WWOX: variants seen among roughly 807,000 people sequenced by gnomAD.
WWOX encodes WW domain containing oxidoreductase.
A neutral mutation model predicts 46.2 loss-of-function variants in WWOX; 69 were observed. That is an observed-to-expected ratio of 1.49 (90% CI 1.23 to 1.82). The LOEUF (loss-of-function observed/expected upper bound fraction) is 1.82, where lower values mean the gene tolerates loss of function less well. WWOX is among the 40% of genes most tolerant of loss of function. The pLI is 0.00. For missense variants in WWOX, 919 were observed against 542.6 expected (o/e 1.69, Z -6.89); for synonymous variants, 359 against 202.6 (o/e 1.77, Z -6.56).
At chr16:79,137,689 G>A (rs376899672) in intron 8 of WWOX, among the ~76,000 whole-genome samples, 68 of 152,070 alleles carry the variant, frequency 4.5e-4, no homozygotes, top group African/African-American at 1.6e-3. Context: ...TCCCTCCTCC[G>A]TCTCCTTCCC....
chr16:78,445,268 G>A (rs186284936), intron 8 of WWOX, among the ~76,000 whole-genome samples: 76 of 152,262 alleles, frequency 5.0e-4, no homozygotes, highest in Non-Finnish European at 5.0e-4. Context: ...GGGCATTAGC[G>A]AGTAAAGGGG....
chr16:78,500,662 T>C (rs2151474650), intron 8 of WWOX, among the ~76,000 whole-genome samples: 1 of 152,324 alleles, frequency 6.6e-6, no homozygotes, highest in Non-Finnish European at 1.5e-5. Context: ...GGTATCATCG[T>C]GGTTATTCCA....
chr16:79,092,583 T>G (rs1286156355), intron 8 of WWOX, among the ~76,000 whole-genome samples: 1 of 152,220 alleles, frequency 6.6e-6, no homozygotes, highest in African/African-American at 2.4e-5. Flanking sequence ...TTCCTTGTTT[T>G]GTGTAATTGG....
chr16:78,742,029 G>C (rs992588964), intron 8 of WWOX, among the ~76,000 whole-genome samples: 1 of 152,118 alleles, frequency 6.6e-6, no homozygotes, highest in African/African-American at 2.4e-5. Context: ...CGATGTCTAT[G>C]TATAGTTTCA....
At chr16:78,418,639 G>T (rs1011998707) in intron 6 of WWOX, among the ~76,000 whole-genome samples, 2 of 151,956 alleles carry the variant, frequency 1.3e-5, no homozygotes, top group African/African-American at 4.8e-5. Context: ...AACAATTCAC[G>T]GTTGGTTTTA....
chr16:78,401,713 T>C (rs970453940), intron 6 of WWOX, among the ~76,000 whole-genome samples: 2 of 152,190 alleles, frequency 1.3e-5, no homozygotes, highest in African/African-American at 4.8e-5. Context: ...TTTTTTCTTT[T>C]TTTTGAGACG....
chr16:78,655,226 G>A (rs532956979), intron 8 of WWOX, among the ~76,000 whole-genome samples: 4 of 152,194 alleles, frequency 2.6e-5, no homozygotes, highest in African/African-American at 4.8e-5. Context: ...TCTGCTCTCC[G>A]TCTCTGCCTC....
At chr16:78,620,112 AG>A (rs2046141069) in intron 8 of WWOX, among the ~76,000 whole-genome samples, 1 of 152,180 alleles carries the variant, frequency 6.6e-6, no homozygotes, top group African/African-American at 2.4e-5. Flanking sequence ...TTTGGCACAC[AG>A]TTGATGAGGA....
intron 8 of WWOX, among the ~76,000 whole-genome samples, chr16:79,135,118 C>T (rs1234385365): frequency 1.3e-5 from 2 of 148,358 alleles, no homozygotes; most frequent in African/African-American, 4.9e-5. Flanking sequence ...CAATTTTTTT[C>T]TTCTTCTCAG....
intron 5 of WWOX, among the ~76,000 whole-genome samples, chr16:78,210,164 A>T (rs1186049596): frequency 6.6e-6 from 1 of 152,218 alleles, no homozygotes; most frequent in Non-Finnish European, 1.5e-5. Context: ...AGGTTTATTT[A>T]TAAAGACTTG....
Position 78,173,056 on chromosome 16 carries a change from A to G in WWOX, c.516+8767A>G, listed in dbSNP as rs538704653. 2.0e-3 allele frequency among the ~76,000 whole-genome samples: 302 copies of G among 152,332 alleles called. 1 individual carries two copies. The highest frequency in any genetic ancestry group is 6.8e-3 in the African/African-American group (282 of 41,574). On this transcript the variant is annotated intron_variant, in intron 5 of 8. Coordinates refer to ENST00000566780, the MANE Select transcript of WWOX (RefSeq NM_016373.4). ...GATAAAACTTCCCTACGCAAGGACAAGTAGAGAAACAACTGTAGATGAAGC... is the reference window on the plus strand; with the variant it reads ...GATAAAACTTCCCTACGCAAGGACAGGTAGAGAAACAACTGTAGATGAAGC...
At chr16:79,164,179 C>T (rs771939678) in intron 8 of WWOX, among the ~76,000 whole-genome samples, 2 of 152,126 alleles carry the variant, frequency 1.3e-5, no homozygotes, top group Non-Finnish European at 2.9e-5. Context: ...TAAATCAATA[C>T]TTTCATGTCT....
intron 8 of WWOX, among the ~76,000 whole-genome samples, chr16:78,871,338 C>G (rs16948667): frequency 1.3e-5 from 2 of 152,174 alleles, no homozygotes; most frequent in East Asian, 3.9e-4. Flanking sequence ...AGGAGAGGGA[C>G]TGGGTGAACT....
intron 8 of WWOX, chr16:79,205,212 T>A (rs1172014892): frequency 2.6e-5 from 4 of 152,372 alleles, no homozygotes; most frequent in East Asian, 3.9e-4. Context: ...GTGGTTGTGG[T>A]CTGTGCTTGA....
rs144217573 is a variant in WWOX, at chr16:79,124,556, C to T, written c.1057-87052C>T. On this transcript the variant is annotated intron_variant, in intron 8 of 8. Coordinates refer to ENST00000566780, the MANE Select transcript of WWOX (RefSeq NM_016373.4). ...TTCAGATTCAGCATCTTTTGTTATACCCGAAGTGCATTCCATGGCCCTGTC... is the reference window on the plus strand; with the variant it reads ...TTCAGATTCAGCATCTTTTGTTATATCCGAAGTGCATTCCATGGCCCTGTC... Among the ~76,000 whole-genome samples the T allele has an allele frequency of 4.3e-3, 662 of 152,196 alleles. 7 individuals carry two copies. The highest frequency in any genetic ancestry group is 0.015 in the African/African-American group (636 of 41,528).
chr16:78,879,052 G>A (rs996986449), intron 8 of WWOX, among the ~76,000 whole-genome samples: 10 of 152,104 alleles, frequency 6.6e-5, no homozygotes, highest in African/African-American at 2.4e-4. Context: ...GGATCTGGAA[G>A]GAAGGGAGGA....
chr16:78,846,299 C>T (rs183303868), intron 8 of WWOX, among the ~76,000 whole-genome samples: 1 of 152,318 alleles, frequency 6.6e-6, no homozygotes, highest in Non-Finnish European at 1.5e-5. Flanking sequence ...TACACTCAGA[C>T]TATAACTGAC....
At chr16:78,895,885 G>T (rs2044690439) in intron 8 of WWOX, 1 of 152,170 alleles carries the variant, frequency 6.6e-6, no homozygotes, top group Non-Finnish European at 1.5e-5. Flanking sequence ...TGAAACCTCA[G>T]TCATTCTTTC....
chr16:78,778,416 A>C (rs536253419), intron 8 of WWOX, among the ~76,000 whole-genome samples: 1 of 152,338 alleles, frequency 6.6e-6, no homozygotes, highest in South Asian at 2.1e-4. Flanking sequence ...CGGTATTGAC[A>C]TAATGTCGGA....
Sources: gnomAD v4.1 joint callset for allele counts (sites outside exome capture counted in the v4.1 genomes callset) on GRCh38, gnomAD v4.1.1 for gene constraint, MANE v1.5 for transcripts, NCBI Gene and HGNC (gene_info 2026-07-23, HGNC 2026-07-21) for gene names.